The following ASB2 variants were observed in gnomAD, a reference collection of about 807,000 sequenced individuals.
ASB2 encodes the protein ankyrin repeat and SOCS box containing 2, also known as ankyrin repeat and SOCS box protein 2.
In ASB2, 58 loss-of-function variants were observed where a neutral mutation model predicts 62.4. The ratio of observed to expected loss-of-function variants is 0.93; its 90% confidence interval spans 0.75 to 1.16. ASB2 has a LOEUF of 1.16. Ranked by LOEUF, ASB2 falls within the 50% of genes most tolerant of loss-of-function variation. The pLI is 0.00. For missense variants in ASB2, 928 were observed against 887.9 expected (o/e 1.05, Z -0.57); for synonymous variants, 386 against 385.3 (o/e 1.00, Z -0.02).
At chr14:93,956,419 TG>T (rs1889205500) in intron 3 of ASB2, among the ~76,000 whole-genome samples, 1 of 152,196 alleles carries the variant, frequency 6.6e-6, no homozygotes, top group Admixed American at 6.5e-5. Context: ...CCTGGGCCTC[TG>T]GGGTTCTAAG....
intron 2 of ASB2, among the ~76,000 whole-genome samples, chr14:93,962,857 C>T (rs997582972): frequency 1.3e-5 from 2 of 152,202 alleles, no homozygotes; most frequent in Non-Finnish European, 1.5e-5. Context: ...GCCTGTCTTC[C>T]GCTGAACCGG....
chr14:93,964,308 T>C, intron 2 of ASB2, 26 bp downstream of exon 2: 2 of 1,533,644 alleles, frequency 1.3e-6, no homozygotes, highest in South Asian at 2.4e-5. Flanking sequence ...TGGCCCCACT[T>C]CCCTCATCAG....
intron 1 of ASB2, among the ~76,000 whole-genome samples, chr14:93,967,443 G>C (rs1300945182): frequency 2.0e-5 from 3 of 152,264 alleles, no homozygotes; most frequent in Admixed American, 2.0e-4. Context: ...CTGGTGCCCA[G>C]GACCTGGCCT....
Position 93,939,552 on chromosome 14 carries a change from C to G in ASB2, c.1173G>C (p.Ala391=). 6.3e-7 allele frequency: 1 copy of G among 1,598,334 alleles called. No individual in the cohort carries two copies. Among genetic ancestry groups the G allele is most frequent in the Non-Finnish European group, 8.5e-7 (1 of 1,174,238 alleles). ...CCAGCGGCGTGTTCACGTCGAAGCG[C>G]GCGCTCAGCAGCGCCTCCAGCACCT... ...HDEVLEALLS[A]RFDVNTPLAP... The change falls in exon 8 of 10, where the codon GCG becomes GCC. Residue 391 remains alanine (A), a synonymous_variant. Transcript: ENST00000555019.
In ASB2 at chr14:93,934,224, C is replaced by A. The variant is rs755984274; in HGVS notation, c.*432G>T. ...ACAAAGCCCTCCAAGACCCAGGCTC[C>A]CCCTACCCCCTACCTTGGGCCACGT... On this transcript the variant is annotated 3_prime_UTR_variant, in exon 10 of 10. Transcript: ENST00000555019. 16 of 456,782 alleles carry A rather than the reference C, an allele frequency of 3.5e-5. No individual in the cohort carries two copies. Among genetic ancestry groups the A allele is most frequent in the African/African-American group, 3.2e-4 (16 of 50,038 alleles). 28.3% of individuals were successfully genotyped at this position (456,782 alleles called of 1,614,324 possible). A position where few individuals can be genotyped will look rare whatever the true frequency, so the allele number is the denominator to read the frequency against.
chr14:93,968,609 C>T (rs1382251187), intron 1 of ASB2, among the ~76,000 whole-genome samples: 5 of 152,222 alleles, frequency 3.3e-5, no homozygotes, highest in East Asian at 1.9e-4. Flanking sequence ...AGCTGCCCAG[C>T]ACCCCCTGGC....
intron 2 of ASB2, among the ~76,000 whole-genome samples, chr14:93,961,708 A>G (rs1889411770): frequency 6.6e-6 from 1 of 152,234 alleles, no homozygotes; most frequent in Non-Finnish European, 1.5e-5. Flanking sequence ...GGACAGATAA[A>G]AGTGAACAAG....
rs1027678939 is a variant in ASB2 at position 93,934,336 on chromosome 14, C to G, written c.*320G>C. The G allele has an allele frequency of 6.7e-6, 3 of 447,856 alleles. No homozygotes were observed. Among genetic ancestry groups the G allele is most frequent in the Non-Finnish European group, 1.3e-5 (3 of 234,942 alleles). 27.7% of individuals were successfully genotyped at this position (447,856 alleles called of 1,614,324 possible). Reference sequence around the variant, plus strand: ...GGAGGGGCACAGGGAAGGCTCTGAGCACCACCTTCCCCAGAACACCTCAAG... The same window carrying G: ...GGAGGGGCACAGGGAAGGCTCTGAGGACCACCTTCCCCAGAACACCTCAAG... On this transcript the variant is annotated 3_prime_UTR_variant, in exon 10 of 10. Coordinates refer to ENST00000555019, the MANE Select transcript of ASB2 (RefSeq NM_001202429.2).
rs1227505904 is a variant in ASB2 at position 93,976,429 on chromosome 14, A to G, written c.-74+5T>C. On this transcript the variant is annotated splice_donor_5th_base_variant and intron_variant, in intron 1 of 9. Transcript: ENST00000555019. Reference sequence around the variant, plus strand: ...CTGTATAAGAAAGTTGAAAGCATGCATTACCTGTTAGGCTCTGAAACAAGG... The same window carrying G: ...CTGTATAAGAAAGTTGAAAGCATGCGTTACCTGTTAGGCTCTGAAACAAGG... 3 of 152,364 alleles carry G rather than the reference A, an allele frequency of 2.0e-5. No individual in the cohort carries two copies. Among genetic ancestry groups the G allele is most frequent in the African/African-American group, 2.4e-5 (1 of 41,586 alleles). The allele number at this position is 152,364 out of a possible 1,614,324, so 9.4% of individuals were successfully genotyped here.
intron 8 of ASB2, 152 bp downstream of exon 8, chr14:93,938,956 C>T (rs1478650383): frequency 2.9e-6 from 2 of 694,812 alleles, no homozygotes; most frequent in Admixed American, 3.9e-5. Flanking sequence ...GCCTCCAAAG[C>T]TGGCCCCACT....
At chr14:93,938,317 G>C (rs1757314435) in intron 8 of ASB2, among the ~76,000 whole-genome samples, 1 of 139,100 alleles carries the variant, frequency 7.2e-6, no homozygotes, top group Non-Finnish European at 1.5e-5. Context: ...TCGGCTCACT[G>C]CAAGCTCTGC....
intron 2 of ASB2, among the ~76,000 whole-genome samples, chr14:93,959,141 C>T (rs1383576635): frequency 6.6e-6 from 1 of 152,190 alleles, no homozygotes; most frequent in African/African-American, 2.4e-5. Flanking sequence ...AGGAAACAGA[C>T]AGACTGAGTT....
intron 6 of ASB2, among the ~76,000 whole-genome samples, chr14:93,949,206 C>T (rs549344914): frequency 6.6e-6 from 1 of 152,350 alleles, no homozygotes; most frequent in South Asian, 2.1e-4. Flanking sequence ...AACCACAGGT[C>T]ATCTCTCTAA....
At position 93,954,437 on chromosome 14, in the gene ASB2, C is replaced by A; in HGVS notation, c.358G>T (p.Ala120Ser). The change falls in exon 4 of 10, where the codon GCC becomes TCC. Residue 120 changes from alanine to serine, a missense_variant. Coordinates refer to ENST00000555019, the MANE Select transcript of ASB2 (RefSeq NM_001202429.2). ...IKAIKDGDEE[A>S]LKTMIKEGKN... ...CCTTCCTTGATCATGGTCTTCAAGG[C>A]CTCTTCATCGCCATCCTTGATGGCC... 6.2e-7 allele frequency: 1 copy of A among 1,614,214 alleles called. No individual in the cohort carries two copies. The highest frequency in any genetic ancestry group is 8.5e-7 in the Non-Finnish European group (1 of 1,180,022).
intron 6 of ASB2, among the ~76,000 whole-genome samples, chr14:93,950,608 G>A (rs1311424996): frequency 6.6e-6 from 1 of 152,172 alleles, no homozygotes; most frequent in Non-Finnish European, 1.5e-5. Context: ...GAAGCGGTTG[G>A]GGTGTCAGGA....
rs894999906 is a variant in ASB2 at position 93,934,233 on chromosome 14, C to G, written c.*423G>C. 7 of 457,152 alleles carry G rather than the reference C, an allele frequency of 1.5e-5. No homozygotes were observed. The highest frequency in any genetic ancestry group is 4.7e-5 in the Admixed American group (2 of 42,510). The allele number at this position is 457,152 out of a possible 1,614,324, so 28.3% of individuals were successfully genotyped here. A position where few individuals can be genotyped will look rare whatever the true frequency, so the allele number is the denominator to read the frequency against. ...TCCAAGACCCAGGCTCCCCCTACCCCCTACCTTGGGCCACGTCTTCATCTT... is the reference window on the plus strand; with the variant it reads ...TCCAAGACCCAGGCTCCCCCTACCCGCTACCTTGGGCCACGTCTTCATCTT... On this transcript the variant is annotated 3_prime_UTR_variant, in exon 10 of 10. Coordinates refer to ENST00000555019, the MANE Select transcript of ASB2 (RefSeq NM_001202429.2).
chr14:93,946,116 T>C (rs1245796262), intron 7 of ASB2, among the ~76,000 whole-genome samples: 2 of 152,190 alleles, frequency 1.3e-5, no homozygotes, highest in African/African-American at 4.8e-5. Flanking sequence ...AGAAAATCTG[T>C]GAATGGACAG....
At chr14:93,959,165 A>G (rs1889325099) in intron 2 of ASB2, among the ~76,000 whole-genome samples, 1 of 152,168 alleles carries the variant, frequency 6.6e-6, no homozygotes, top group Non-Finnish European at 1.5e-5. Context: ...TTCAACAAAG[A>G]GTTCCCAGCT....
chr14:93,957,026 G>C, intron 2 of ASB2, 156 bp from the exon 3 acceptor site: 1 of 1,526,302 alleles, frequency 6.6e-7, no homozygotes, highest in Non-Finnish European at 8.8e-7. Flanking sequence ...CGGGTCCTCT[G>C]TGTGCTGGAC....
Sources: allele counts gnomAD v4.1 joint callset (sites outside exome capture counted in the v4.1 genomes callset), GRCh38; gene constraint gnomAD v4.1.1; transcripts MANE v1.5; gene names NCBI Gene and HGNC (gene_info 2026-07-23, HGNC 2026-07-21).